ZNF274: variants seen among roughly 807,000 people sequenced by gnomAD.
The protein encoded by ZNF274 is neurotrophin receptor-interacting factor homolog.
ZNF274 carries 23 observed loss-of-function variants against 42.5 expected under a neutral mutation model. The observed-to-expected ratio is 0.54, with a 90% CI of 0.39 to 0.77. The LOEUF (loss-of-function observed/expected upper bound fraction) is 0.77, where lower values mean the gene tolerates loss of function less well. ZNF274 is among the 30% of genes least tolerant of loss of function. The pLI is 0.00. For synonymous variants in ZNF274, 292 were observed against 305.4 expected, an observed-to-expected ratio of 0.96 and a Z score of 0.46; for missense variants, 679 against 806.5, an observed-to-expected ratio of 0.84 and a Z score of 1.91.
intron 4 of ZNF274, among the ~76,000 whole-genome samples, chr19:58,188,694 G>GTATATGTATATGTATATGTATA (rs1221412961): frequency 5.4e-5 from 4 of 74,654 alleles, no homozygotes; most frequent in African/African-American, 2.2e-4. Flanking sequence ...ATATGTATAT[G>GTATATGTATATGTATATGTATA]TATATATATA....
chr19:58,211,374 A>C lies in ZNF274; in HGVS notation c.853-186A>C. 9.0e-5 allele frequency: 57 copies of C among 634,774 alleles called. No homozygotes were observed. The highest frequency in any genetic ancestry group is 1.3e-4 in the Non-Finnish European group (51 of 399,106). 39.3% of individuals were successfully genotyped at this position (634,774 alleles called of 1,614,324 possible). A position where few individuals can be genotyped will look rare whatever the true frequency, so the allele number is the denominator to read the frequency against. On this transcript the variant is annotated intron_variant, in intron 6 of 7. Coordinates refer to ENST00000617501, the MANE Select transcript of ZNF274 (RefSeq NM_133502.3). The surrounding 1 kb of genome is among the most constrained non-coding windows in gnomAD (Gnocchi z 4.8). ...GGCTCTGCCTCCCAGCCTGAGACCC[A>C]GACCCTGGTTTGGACCCAGTAGAAC...
At chr19:58,202,586 G>A (rs1281553901) in intron 4 of ZNF274, 2 of 152,210 alleles carry the variant, frequency 1.3e-5, no homozygotes, top group African/African-American at 4.8e-5. Flanking sequence ...CAGCTGATAG[G>A]GATTATGCAG....
chr19:58,199,265 T>G (rs1470377922), intron 4 of ZNF274, among the ~76,000 whole-genome samples: 4 of 150,898 alleles, frequency 2.7e-5, no homozygotes. Flanking sequence ...ACTTAGGAGG[T>G]TGAGACAGGA....
intron 4 of ZNF274, among the ~76,000 whole-genome samples, chr19:58,189,079 A>G (rs549013386): frequency 3.9e-5 from 6 of 151,918 alleles, no homozygotes; most frequent in Middle Eastern, 3.4e-3. Context: ...TTATAAATCT[A>G]TGGCCTGTTT....
rs868145290 is a variant in ZNF274, at chr19:58,207,174, G to A, written c.711G>A (p.Glu237=). ...GCCAAGAGGTGGTGGCCCTGGTAGAGGGTGTGACCTGGATGTCTGAGGAGG... is the reference window on the plus strand; with the variant it reads ...GCCAAGAGGTGGTGGCCCTGGTAGAAGGTGTGACCTGGATGTCTGAGGAGG... ...ENCQEVVALV[E]GVTWMSEEEV... is the part of the protein sequence containing the mutation. The change falls in exon 5 of 8, where the codon GAG becomes GAA. Residue 237 remains glutamate (E), a synonymous_variant. Coordinates refer to ENST00000617501, the MANE Select transcript of ZNF274 (RefSeq NM_133502.3). The surrounding 1 kb of genome is among the most constrained non-coding windows in gnomAD (Gnocchi z 5.6). The A allele has an allele frequency of 1.9e-6, 3 of 1,612,820 alleles. No individual in the cohort carries two copies. Among genetic ancestry groups the A allele is most frequent in the South Asian group, 2.2e-5 (2 of 90,822 alleles).
At chr19:58,184,509 C>G (rs1055454619) in intron 2 of ZNF274, 2 of 156,086 alleles carry the variant, frequency 1.3e-5, no homozygotes, top group African/African-American at 4.8e-5. Context: ...GACGGGGTTT[C>G]ACCATGTTGG....
intron 2 of ZNF274, among the ~76,000 whole-genome samples, chr19:58,185,215 G>A (rs887145454): frequency 6.6e-6 from 1 of 151,060 alleles, no homozygotes; most frequent in African/African-American, 2.4e-5. Context: ...CACAAGGTCA[G>A]GAGTTCGAGA....
At chr19:58,192,058 A>G (rs938637161) in intron 4 of ZNF274, among the ~76,000 whole-genome samples, 1 of 152,182 alleles carries the variant, frequency 6.6e-6, no homozygotes, top group African/African-American at 2.4e-5. Flanking sequence ...GGGACACTGC[A>G]GGGGTGAGAT....
rs1166816646 is a variant in ZNF274, at chr19:58,208,869, C to T, written c.740-1092C>T. ...TTAATGAGGTGAAAGTCAGTGAATT[C>T]ACCCTGTGTTTAACCTCAGGGGTGA... On this transcript the variant is annotated intron_variant, in intron 5 of 7. Transcript: ENST00000617501. This position sits in a 1 kb window ranked among gnomAD's most constrained non-coding sequence, Gnocchi z 4.5. The T allele has an allele frequency of 6.6e-6, 1 of 152,212 alleles. No individual in the cohort carries two copies. The highest frequency in any genetic ancestry group is 2.4e-5 in the African/African-American group (1 of 41,454). The allele number at this position is 152,212 out of a possible 1,614,324, so 9.4% of individuals were successfully genotyped here.
chr19:58,183,597 G>A (rs577705017), intron 1 of ZNF274, 155 bp downstream of exon 1: 1 of 206,836 alleles, frequency 4.8e-6, no homozygotes, highest in African/African-American at 2.3e-5. Context: ...GTGGGATGGG[G>A]TCGGTGACCC....
intron 4 of ZNF274, among the ~76,000 whole-genome samples, chr19:58,188,129 C>G (rs1204341632): frequency 1.3e-5 from 2 of 151,682 alleles, no homozygotes; most frequent in African/African-American, 4.8e-5. Context: ...TTTTTTTTTG[C>G]ACGAACAAGT....
chr19:58,210,187 TTCTGAGATTCTGAGC>T (rs1332192187), intron 6 of ZNF274, 114 bp downstream of exon 6: 1 of 728,194 alleles, frequency 1.4e-6, no homozygotes. Flanking sequence ...GGCTGGGACA[TTCTGAGATTCTGAGC>T]TCTTAGGTCT....
At chr19:58,190,774 C>G (rs1235081957) in intron 4 of ZNF274, among the ~76,000 whole-genome samples, 7 of 152,124 alleles carry the variant, frequency 4.6e-5, no homozygotes, top group Non-Finnish European at 1.5e-5. Context: ...AATGCTTTCC[C>G]TTCTCTTTGT....
At chr19:58,189,178 T>C (rs1289319675) in intron 4 of ZNF274, among the ~76,000 whole-genome samples, 1 of 152,178 alleles carries the variant, frequency 6.6e-6, no homozygotes, top group Admixed American at 6.5e-5. Context: ...TATTGAAATA[T>C]CATATCCCAG....
At chr19:58,204,964 A>AT (rs1221197053) in intron 4 of ZNF274, among the ~76,000 whole-genome samples, 3 of 152,174 alleles carry the variant, frequency 2.0e-5, no homozygotes, top group Non-Finnish European at 2.9e-5. Flanking sequence ...GGAGAACCCT[A>AT]TTGGCTTGGC....
At chr19:58,188,714 A>ATATATATATATATGTATATG (rs1555816937) in intron 4 of ZNF274, among the ~76,000 whole-genome samples, 1 of 127,598 alleles carries the variant, frequency 7.8e-6, no homozygotes, top group African/African-American at 2.9e-5. Context: ...ATATATATAT[A>ATATATATATATATGTATATG]TATATATATA....
chr19:58,198,801 CTT>C (rs1019953857), intron 4 of ZNF274, among the ~76,000 whole-genome samples: 2 of 140,732 alleles, frequency 1.4e-5, no homozygotes, highest in African/African-American at 5.2e-5. Context: ...TTAAAATTAA[CTT>C]TGACTTTTTT....
rs775668381 is a variant in ZNF274 at position 58,211,880 on chromosome 19, G to A, written c.979+194G>A. 6.6e-6 allele frequency among the ~76,000 whole-genome samples: 1 copy of A among 152,180 alleles called. No individual in the cohort carries two copies. On this transcript the variant is annotated intron_variant, in intron 7 of 7. Transcript: ENST00000617501. This position sits in a 1 kb window ranked among gnomAD's most constrained non-coding sequence, Gnocchi z 4.8. ...GGTGGCCAGAAGCAGCCTTAGGTCC[G>A]GTGAAGGAGTGATTTGCTATCTATC...
chr19:58,212,395 C>A lies in ZNF274; in HGVS notation c.1214C>A (p.Ser405Tyr), dbSNP rs2076052746. ...AAGAAGCACTTTGACAACCGTGAGT[C>A]CCAGGCAAACAGTGGTGCTCTTGAC... ...PQKKHFDNRE[S>Y]QANSGALDTN... The change falls in exon 8 of 8, where the codon TCC becomes TAC. Residue 405 changes from serine (S) to tyrosine (Y), a missense_variant. This residue lies in a region of ZNF274 where 456 missense variants were observed against 590.1 expected (regional missense o/e 0.77). Transcript: ENST00000617501. This position sits in a 1 kb window ranked among gnomAD's most constrained non-coding sequence, Gnocchi z 4.6. The A allele has an allele frequency of 6.8e-6, 11 of 1,612,960 alleles. No individual in the cohort carries two copies. The highest frequency in any genetic ancestry group is 9.3e-6 in the Non-Finnish European group (11 of 1,179,472).
Sources: gnomAD v4.1 joint callset for allele counts (sites outside exome capture counted in the v4.1 genomes callset) on GRCh38, gnomAD v4.1.1 for gene constraint, gnomAD v4.1.1 regional missense constraint, Gnocchi (gnomAD v3.1) non-coding constraint, MANE v1.5 for transcripts, NCBI Gene and HGNC (gene_info 2026-07-23, HGNC 2026-07-21) for gene names.